The following AP1B1 variants were observed in gnomAD, a reference collection of about 807,000 sequenced individuals.
The protein encoded by AP1B1 is AP-1 complex subunit beta-1.
Under a neutral mutation model 104.3 loss-of-function variants are expected in AP1B1, and 36 were observed. That is an observed-to-expected ratio of 0.35 (90% CI 0.26 to 0.46). The LOEUF (loss-of-function observed/expected upper bound fraction) is 0.46. Ranked by LOEUF, AP1B1 falls within the 20% of genes least tolerant of loss-of-function variation. The pLI is 1.00. For missense variants in AP1B1, 901 were observed against 1,247.9 expected, an observed-to-expected ratio of 0.72 and a Z score of 4.19; for synonymous variants, 504 against 517.5, an observed-to-expected ratio of 0.97 and a Z score of 0.35.
At chr22:29,329,213 C>T in intron 22 of AP1B1, 1 of 1,221,116 alleles carries the variant, frequency 8.2e-7, no homozygotes, top group Non-Finnish European at 1.0e-6. Flanking sequence ...CTGCCCGGCC[C>T]CCCAGAGTCC....
At chr22:29,366,772 C>T (rs1369186474) in intron 2 of AP1B1, among the ~76,000 whole-genome samples, 2 of 151,154 alleles carry the variant, frequency 1.3e-5, no homozygotes, top group Admixed American at 1.3e-4. Context: ...GCACTCCAGC[C>T]TGGGTGACAT....
At chr22:29,384,642 C>T (rs1032482036) in intron 1 of AP1B1, among the ~76,000 whole-genome samples, 2 of 150,426 alleles carry the variant, frequency 1.3e-5, no homozygotes, top group African/African-American at 4.9e-5. Context: ...CCGAGGCAGG[C>T]GGGTCACTTG....
chr22:29,376,657 GGA>G (rs2062347647), intron 1 of AP1B1, among the ~76,000 whole-genome samples: 2 of 65,276 alleles, frequency 3.1e-5, no homozygotes, highest in Admixed American at 2.5e-4. Flanking sequence ...AGGGAAGAGT[GGA>G]AAAAAAGGGG....
intron 21 of AP1B1, 65 bp from the exon 22 acceptor site, chr22:29,329,785 C>A: frequency 6.2e-7 from 1 of 1,607,936 alleles, no homozygotes; most frequent in Non-Finnish European, 8.5e-7. Context: ...ACGGAAGTTA[C>A]CACCACCGAA....
At chr22:29,356,316 GC>G in intron 6 of AP1B1, 109 bp downstream of exon 6, 1 of 1,179,016 alleles carries the variant, frequency 8.5e-7, no homozygotes, top group Non-Finnish European at 1.2e-6. Context: ...GGGTTATGGG[GC>G]AAAGCACTAG....
At chr22:29,376,633 G>A (rs1365278452) in intron 1 of AP1B1, among the ~76,000 whole-genome samples, 2 of 148,406 alleles carry the variant, frequency 1.3e-5, no homozygotes, top group African/African-American at 2.5e-5. Flanking sequence ...CTCATGGACA[G>A]TCAAGAGGAA....
rs1602707652 is a variant in AP1B1, at chr22:29,341,360, A to G, written c.1796+141T>C. 14 of 1,083,324 alleles carry G rather than the reference A, an allele frequency of 1.3e-5. No individual in the cohort carries two copies. In the East Asian group the frequency reaches 3.6e-4, roughly 28 times the overall value. The allele number at this position is 1,083,324 out of a possible 1,614,324, so 67.1% of individuals were successfully genotyped here. ...GTCATCTAGCAAATACCTTGTGTAC[A>G]ATAAATAGCTGATAAAAGGTTGTCA... On this transcript the variant is annotated intron_variant, in intron 13 of 22. Coordinates refer to ENST00000357586, the MANE Select transcript of AP1B1 (RefSeq NM_001127.4).
intron 16 of AP1B1, among the ~76,000 whole-genome samples, chr22:29,337,070 G>A (rs1301388461): frequency 2.0e-5 from 3 of 152,316 alleles, no homozygotes; most frequent in South Asian, 4.1e-4. Flanking sequence ...GTTATGCCGC[G>A]ATTCTACGTT....
intron 5 of AP1B1, among the ~76,000 whole-genome samples, 194 bp downstream of exon 5, chr22:29,358,532 G>A (rs1431533890): frequency 1.3e-5 from 2 of 152,206 alleles, no homozygotes; most frequent in South Asian, 2.1e-4. Flanking sequence ...GTCAGAGGGT[G>A]AGGAGAAGGG....
At chr22:29,387,291 C>T (rs2042295294) in intron 1 of AP1B1, among the ~76,000 whole-genome samples, 1 of 151,054 alleles carries the variant, frequency 6.6e-6, no homozygotes, top group Non-Finnish European at 1.5e-5. Flanking sequence ...ATAAATACAA[C>T]GGCAGCTAAA....
intron 1 of AP1B1, among the ~76,000 whole-genome samples, chr22:29,387,203 TC>T (rs2062539360): frequency 6.6e-6 from 1 of 151,888 alleles, no homozygotes; most frequent in African/African-American, 2.4e-5. Flanking sequence ...GATTGTTTTA[TC>T]CTAAAGAAAG....
chr22:29,388,412 C>T lies in AP1B1; in HGVS notation c.-28+12G>A, dbSNP rs1484610079. 5 of 152,640 alleles carry T rather than the reference C, an allele frequency of 3.3e-5. No individual in the cohort carries two copies. Among genetic ancestry groups the T allele is most frequent in the African/African-American group, 1.2e-4 (5 of 41,460 alleles). The allele number at this position is 152,640 out of a possible 1,614,324, so 9.5% of individuals were successfully genotyped here. On this transcript the variant is annotated intron_variant, in intron 1 of 22. Transcript: ENST00000357586. ...TTCTTCTCCTGGCTCGCCCGGGTCC[C>T]CGCTTCCTCACCCGCAGGTCCCAAT...
chr22:29,330,736 GAGGCGAGCCCCTCATAAAC>G, intron 19 of AP1B1, 27 bp from the exon 20 acceptor site: 1 of 1,592,568 alleles, frequency 6.3e-7, no homozygotes, highest in Non-Finnish European at 8.6e-7. Flanking sequence ...GTGGGGATGA[GAGGCGAGCCCCTCATAAAC>G]CTGTGGGCCC....
chr22:29,368,512 C>A (rs936607887), intron 1 of AP1B1, among the ~76,000 whole-genome samples: 2 of 152,066 alleles, frequency 1.3e-5, no homozygotes, highest in Non-Finnish European at 2.9e-5. Flanking sequence ...AAGGCAGGGG[C>A]TTCGCCCACA....
At chr22:29,335,159 T>TA (rs2061620043) in intron 16 of AP1B1, among the ~76,000 whole-genome samples, 1 of 152,070 alleles carries the variant, frequency 6.6e-6, no homozygotes. Context: ...GTGAAACCAG[T>TA]GTTTGGGGAG....
intron 3 of AP1B1, among the ~76,000 whole-genome samples, chr22:29,361,214 T>C (rs1276686541): frequency 6.6e-6 from 1 of 152,236 alleles, no homozygotes; most frequent in African/African-American, 2.4e-5. Context: ...GTTTCCTTTC[T>C]GCTCTGGCTT....
chr22:29,339,332 A>G (rs958455617), intron 15 of AP1B1, among the ~76,000 whole-genome samples, 199 bp from the exon 16 acceptor site: 1 of 152,164 alleles, frequency 6.6e-6, no homozygotes, highest in East Asian at 1.9e-4. Context: ...GTGCCCTGCA[A>G]GCCTTGAGCC....
chr22:29,329,432 A>G, intron 22 of AP1B1: 1 of 1,337,374 alleles, frequency 7.5e-7, no homozygotes, highest in Non-Finnish European at 9.6e-7. Flanking sequence ...ACTCTAAAGC[A>G]CTGGTTCTGC....
intron 16 of AP1B1, 56 bp downstream of exon 16, chr22:29,338,934 T>C (rs2061674422): frequency 2.5e-6 from 4 of 1,605,360 alleles, no homozygotes; most frequent in African/African-American, 2.7e-5. Context: ...GGAGCCCACA[T>C]GCCAGTCTCC....
Sources: allele counts gnomAD v4.1 joint callset (sites outside exome capture counted in the v4.1 genomes callset), GRCh38; gene constraint gnomAD v4.1.1; transcripts MANE v1.5; gene names NCBI Gene and HGNC (gene_info 2026-07-23, HGNC 2026-07-21).